Variants in AKR1C3 observed in about 807,000 individuals in gnomAD.
The protein encoded by AKR1C3 is aldo-keto reductase family 1 member C3.
Under a neutral mutation model 43.6 loss-of-function variants are expected in AKR1C3, and 48 were observed. The ratio of observed to expected loss-of-function variants is 1.10; its 90% CI spans 0.87 to 1.40. The LOEUF is 1.40. Among genes scored for constraint, AKR1C3 ranks in the 40% most tolerant of loss-of-function variants. The pLI is 0.00. For synonymous variants in AKR1C3, 162 were observed against 139.6 expected (o/e 1.16, Z -1.13); for missense variants, 482 against 391.2 (o/e 1.23, Z -1.96).
intron 1 of AKR1C3, among the ~76,000 whole-genome samples, chr10:5,069,652 A>C (rs1190915566): frequency 6.6e-6 from 1 of 152,166 alleles, no homozygotes; most frequent in Non-Finnish European, 1.5e-5. Context: ...AGACAGGTGG[A>C]TCACTTGAGG....
intron 1 of AKR1C3, among the ~76,000 whole-genome samples, chr10:5,064,540 T>A (rs1838454944): frequency 6.6e-6 from 1 of 152,094 alleles, no homozygotes; most frequent in Admixed American, 6.5e-5. Flanking sequence ...TGGGACCTAA[T>A]AAACTAAACA....
chr10:5,105,357 T>G, intron 7 of AKR1C3: 1 of 332,466 alleles, frequency 3.0e-6, no homozygotes, highest in Non-Finnish European at 5.5e-6. Context: ...CCATTTTCTG[T>G]TGAAATTTTC....
At chr10:5,065,442 A>G (rs970447932) in intron 1 of AKR1C3, among the ~76,000 whole-genome samples, 10 of 152,192 alleles carry the variant, frequency 6.6e-5, no homozygotes, top group Non-Finnish European at 1.3e-4. Context: ...AGATGATGAT[A>G]TTAGGAGGTT....
intron 1 of AKR1C3, among the ~76,000 whole-genome samples, chr10:5,064,159 C>A (rs1838445185): frequency 6.6e-6 from 1 of 152,186 alleles, no homozygotes; most frequent in Non-Finnish European, 1.5e-5. Flanking sequence ...ATTTCCACCA[C>A]ATCTGCAGTT....
chr10:5,056,334 T>C (rs1227607867), intron 1 of AKR1C3, among the ~76,000 whole-genome samples: 1 of 152,140 alleles, frequency 6.6e-6, no homozygotes, highest in Non-Finnish European at 1.5e-5. Flanking sequence ...TCCAGAACCA[T>C]GAACGATTCT....
chr10:5,106,918 A>AG (rs1839516004), intron 8 of AKR1C3, among the ~76,000 whole-genome samples: 1 of 116,278 alleles, frequency 8.6e-6, no homozygotes. Context: ...GAAAATAAAT[A>AG]AAAAAAGGAA....
chr10:5,073,929 G>C (rs945386303), intron 1 of AKR1C3, among the ~76,000 whole-genome samples: 1 of 151,950 alleles, frequency 6.6e-6, no homozygotes, highest in Non-Finnish European at 1.5e-5. Flanking sequence ...AAATCACTAA[G>C]CTAAAGAAAA....
chr10:5,105,708 T>C (rs36050091), intron 8 of AKR1C3, 31 bp downstream of exon 8: 21 of 1,559,074 alleles, frequency 1.3e-5, no homozygotes, highest in East Asian at 1.1e-4. Flanking sequence ...GGTGATCTAA[T>C]TTATTTCTGG....
chr10:5,088,482 T>C (rs1209061996), intron 1 of AKR1C3, among the ~76,000 whole-genome samples: 2 of 152,070 alleles, frequency 1.3e-5, no homozygotes, highest in Non-Finnish European at 2.9e-5. Context: ...TGTAGTAGTA[T>C]TTCTTTTATG....
intron 5 of AKR1C3, 69 bp from the exon 6 acceptor site, chr10:5,102,032 T>G: frequency 3.0e-6 from 3 of 1,015,338 alleles, no homozygotes; most frequent in Admixed American, 1.9e-5. Context: ...GCTTCCTTAC[T>G]TTCATCTTTT....
chr10:5,076,682 G>C (rs555129221), intron 1 of AKR1C3, among the ~76,000 whole-genome samples: 1 of 152,148 alleles, frequency 6.6e-6, no homozygotes, highest in South Asian at 2.1e-4. Flanking sequence ...TCCTTCTGTT[G>C]TTTTTGGAAG....
At chr10:5,064,451 A>G (rs1838452356) in intron 1 of AKR1C3, among the ~76,000 whole-genome samples, 2 of 152,344 alleles carry the variant, frequency 1.3e-5, no homozygotes, top group Admixed American at 1.3e-4. Context: ...CCCAGGAAAT[A>G]CCATTCTGAA....
At chr10:5,096,370 C>A in intron 1 of AKR1C3, 40 bp from the exon 2 acceptor site, 2 of 1,596,832 alleles carry the variant, frequency 1.3e-6, no homozygotes, top group South Asian at 1.1e-5. Flanking sequence ...ACCTCTCAGC[C>A]ACAGTGATCA....
At chr10:5,079,369 A>G (rs1554782142) in intron 1 of AKR1C3, among the ~76,000 whole-genome samples, 2 of 146,976 alleles carry the variant, frequency 1.4e-5, no homozygotes, top group Non-Finnish European at 2.9e-5. Context: ...GCTACAATTC[A>G]GAGAGGCTGC....
At chr10:5,059,374 A>T (rs1554779979) in intron 1 of AKR1C3, among the ~76,000 whole-genome samples, 3 of 152,172 alleles carry the variant, frequency 2.0e-5, no homozygotes, top group Non-Finnish European at 4.4e-5. Context: ...GTCAGGATAG[A>T]TAGGATAGAT....
At chr10:5,066,618 T>C (rs1235160692) in intron 1 of AKR1C3, among the ~76,000 whole-genome samples, 3 of 152,188 alleles carry the variant, frequency 2.0e-5, no homozygotes, top group South Asian at 4.1e-4. Flanking sequence ...GTTTGGAGTA[T>C]GGTGCTCATC....
At chr10:5,063,638 T>G (rs1314326858) in intron 1 of AKR1C3, among the ~76,000 whole-genome samples, 1 of 150,818 alleles carries the variant, frequency 6.6e-6, no homozygotes, top group Non-Finnish European at 1.5e-5. Flanking sequence ...AACACAAAAT[T>G]AAGCCAGGTG....
At chr10:5,056,086 G>GCT (rs1358992174) in intron 1 of AKR1C3, among the ~76,000 whole-genome samples, 15 of 152,282 alleles carry the variant, frequency 9.9e-5, no homozygotes, top group African/African-American at 3.6e-4. Flanking sequence ...AGAGTAGCCT[G>GCT]CTGGGACAAG....
At position 5,102,181 on chromosome 10, in the gene AKR1C3, T is replaced by G. The variant is rs782264169; in HGVS notation, c.651T>G (p.Ser217Arg). 1 of 1,613,910 alleles carries G rather than the reference T, an allele frequency of 6.2e-7. No homozygotes were observed. The highest frequency in any genetic ancestry group is 1.1e-5 in the South Asian group (1 of 91,044). ...KSKDIVLVAY[S>R]ALGSQRDKRW... ...AAGATATTGTTCTGGTTGCCTATAG[T>G]GCTCTGGGATCTCAACGAGACAAAC... The change falls in exon 6 of 9, where the codon AGT becomes AGG. Residue 217 changes from serine to arginine, a missense_variant. Ser to Arg is a moderately radical substitution (Grantham distance 110). Coordinates refer to ENST00000380554, the MANE Select transcript of AKR1C3 (RefSeq NM_003739.6).
Sources: allele counts gnomAD v4.1 joint callset (sites outside exome capture counted in the v4.1 genomes callset), GRCh38; gene constraint gnomAD v4.1.1; transcripts MANE v1.5; gene names NCBI Gene and HGNC (gene_info 2026-07-23, HGNC 2026-07-21).